DIAPH1: variants seen among roughly 807,000 people sequenced by gnomAD.
DIAPH1 encodes diaphanous related formin 1, also known as protein diaphanous homolog 1.
Under a neutral mutation model 140.7 loss-of-function variants are expected in DIAPH1, and 46 were observed. The observed-to-expected ratio is 0.33, with a 90% confidence interval of 0.26 to 0.42. The LOEUF is 0.42. Ranked by LOEUF, DIAPH1 falls within the 10% of genes least tolerant of loss-of-function variation. The pLI is 1.00. For missense variants in DIAPH1, 1,310 were observed against 1,558.7 expected (o/e 0.84, Z 2.69); for synonymous variants, 565 against 551.6 (o/e 1.02, Z -0.34).
chr5:141,605,372 T>C (rs1458413699), intron 1 of DIAPH1, among the ~76,000 whole-genome samples: 2 of 151,756 alleles, frequency 1.3e-5, no homozygotes, highest in Non-Finnish European at 2.9e-5. Flanking sequence ...AAATGAAAAA[T>C]AGAAATTTAG....
intron 16 of DIAPH1, among the ~76,000 whole-genome samples, chr5:141,573,202 C>T (rs995735612): frequency 6.6e-6 from 1 of 151,648 alleles, no homozygotes; most frequent in Non-Finnish European, 1.5e-5. Context: ...TTTGGGAGGC[C>T]GAGACGGGCG....
In DIAPH1 at chr5:141,574,109, G is replaced by C; in HGVS notation, c.1741C>G (p.Pro581Ala). Residue 581 changes from proline to alanine, a missense_variant, in exon 16 of 28, where the codon CCT becomes GCT. Around this residue, in one of 3 missense-constraint regions of DIAPH1, gnomAD observed 589 missense variants for 549.3 expected, o/e 1.07. Transcript: ENST00000389054. ...GGTAAAGGAGGGGCAGGGGGAACAGGAGCACGACTAGGAACAGAAGGAGGT... is the reference window on the plus strand; with the variant it reads ...GGTAAAGGAGGGGCAGGGGGAACAGCAGCACGACTAGGAACAGAAGGAGGT... ...TVPPSVPSRA[P>A]VPPAPPLPGD... 6.2e-7 allele frequency: 1 copy of C among 1,614,024 alleles called. No individual in the cohort carries two copies. The highest frequency in any genetic ancestry group is 8.5e-7 in the Non-Finnish European group (1 of 1,179,994).
chr5:141,566,171 A>C (rs1185599505), intron 18 of DIAPH1, among the ~76,000 whole-genome samples: 1 of 152,176 alleles, frequency 6.6e-6, no homozygotes, highest in East Asian at 1.9e-4. Context: ...AAAGGGAGTA[A>C]GGTAAAAAGA....
At chr5:141,517,327 G>A (rs1346239019) in intron 27 of DIAPH1, among the ~76,000 whole-genome samples, 2 of 152,166 alleles carry the variant, frequency 1.3e-5, no homozygotes, top group Admixed American at 1.3e-4. Flanking sequence ...GAGAGATGAA[G>A]TATTCAAAGT....
At chr5:141,569,773 A>C (rs2099894881) in intron 18 of DIAPH1, among the ~76,000 whole-genome samples, 1 of 151,796 alleles carries the variant, frequency 6.6e-6, no homozygotes, top group Non-Finnish European at 1.5e-5. Context: ...AAATAAAAAT[A>C]AAAATAAAAA....
At chr5:141,547,447 A>AGAGT (rs201518527) in intron 18 of DIAPH1, among the ~76,000 whole-genome samples, 6,909 of 152,278 alleles carry the variant, frequency 0.045, 213 homozygotes, top group African/African-American at 0.077. Flanking sequence ...CCTGGGCGAC[A>AGAGT]GAGACTCCGC....
intron 18 of DIAPH1, among the ~76,000 whole-genome samples, chr5:141,568,036 G>T (rs561624575): frequency 6.6e-6 from 1 of 152,088 alleles, no homozygotes; most frequent in Non-Finnish European, 1.5e-5. Context: ...ACTTTAACAA[G>T]TCTAATGTTC....
At chr5:141,585,846 T>G (rs961918568) in intron 3 of DIAPH1, among the ~76,000 whole-genome samples, 1 of 152,210 alleles carries the variant, frequency 6.6e-6, no homozygotes, top group Non-Finnish European at 1.5e-5. Flanking sequence ...GTGGACTATA[T>G]TTGGAATTGT....
At chr5:141,551,601 G>A (rs1409926456) in intron 18 of DIAPH1, among the ~76,000 whole-genome samples, 1 of 152,062 alleles carries the variant, frequency 6.6e-6, no homozygotes, top group Non-Finnish European at 1.5e-5. Context: ...AGCAAATGCA[G>A]GAAATTTTTT....
intron 18 of DIAPH1, 113 bp downstream of exon 18, chr5:141,571,315 G>A (rs2099895146): frequency 2.2e-6 from 2 of 917,170 alleles, no homozygotes; most frequent in African/African-American, 1.7e-5. Flanking sequence ...GCAAAGACAA[G>A]TCAACCCTCA....
chr5:141,598,339 G>A (rs2099899630), intron 1 of DIAPH1, among the ~76,000 whole-genome samples: 1 of 152,062 alleles, frequency 6.6e-6, no homozygotes, highest in African/African-American at 2.4e-5. Context: ...ATGTCTAAAG[G>A]TCATTAGCTG....
chr5:141,597,443 G>C (rs1414964734), intron 1 of DIAPH1, among the ~76,000 whole-genome samples: 3 of 152,144 alleles, frequency 2.0e-5, no homozygotes, highest in Non-Finnish European at 4.4e-5. Context: ...GCTTAGAATA[G>C]ACATTTTCAG....
intron 1 of DIAPH1, among the ~76,000 whole-genome samples, chr5:141,590,204 TG>T (rs1437833655): frequency 7.2e-5 from 11 of 152,238 alleles, no homozygotes; most frequent in Admixed American, 7.2e-4. Context: ...CAGTGTAAAC[TG>T]TGAATGTATA....
Position 141,573,745 on chromosome 5 carries a change from G to A in DIAPH1, c.2105C>T (p.Pro702Leu), listed in dbSNP as rs1229036082. The change falls in exon 16 of 28, where the codon CCC becomes CTC. Residue 702 changes from proline to leucine, a missense_variant. Coordinates refer to ENST00000389054, the MANE Select transcript of DIAPH1 (RefSeq NM_005219.5). The part of the protein sequence containing the change: ...PPLPGSAGIP[P>L]PPPPLPGEAG... ...TTCTCCAGGCAAGGGAGGAGGTGGG[G>A]GGGGAATTCCAGCACTCCCAGGCAA... The A allele has an allele frequency of 6.6e-7, 1 of 1,516,356 alleles. No homozygotes were observed. Among genetic ancestry groups the A allele is most frequent in the Admixed American group, 1.9e-5 (1 of 52,618 alleles). The allele number at this position is 1,516,356 out of a possible 1,614,324, so 93.9% of individuals were successfully genotyped here.
chr5:141,545,141 C>A (rs1231324658), intron 18 of DIAPH1, among the ~76,000 whole-genome samples: 1 of 152,034 alleles, frequency 6.6e-6, no homozygotes, highest in East Asian at 1.9e-4. Context: ...CAGTGGTATG[C>A]CAGGGTTTGG....
intron 1 of DIAPH1, among the ~76,000 whole-genome samples, chr5:141,591,695 G>GATATATAT (rs56117502): frequency 0.012 from 1,072 of 86,220 alleles, 48 homozygotes; most frequent in East Asian, 0.027. Flanking sequence ...GGGAGATGGG[G>GATATATAT]ATATATATAT....
intron 18 of DIAPH1, among the ~76,000 whole-genome samples, chr5:141,543,808 T>C (rs1411208230): frequency 6.6e-6 from 1 of 152,202 alleles, no homozygotes; most frequent in Non-Finnish European, 1.5e-5. Flanking sequence ...AATGGGATTG[T>C]ATACTTTAAA....
At chr5:141,536,520 T>A (rs921658152) in intron 18 of DIAPH1, among the ~76,000 whole-genome samples, 1 of 151,964 alleles carries the variant, frequency 6.6e-6, no homozygotes, top group Non-Finnish European at 1.5e-5. Flanking sequence ...GACCATTTAA[T>A]AGATAAAATA....
chr5:141,520,739 T>C (rs1362205686), intron 27 of DIAPH1, among the ~76,000 whole-genome samples: 5 of 152,178 alleles, frequency 3.3e-5, no homozygotes, highest in Non-Finnish European at 7.3e-5. Context: ...CTCTCCTTGC[T>C]GGAAGGTATG....
Sources: gnomAD v4.1 joint callset for allele counts (sites outside exome capture counted in the v4.1 genomes callset) on GRCh38, gnomAD v4.1.1 for gene constraint, gnomAD v4.1.1 regional missense constraint, MANE v1.5 for transcripts, NCBI Gene and HGNC (gene_info 2026-07-23, HGNC 2026-07-21) for gene names.